KHDRBS2: variants seen among roughly 807,000 people sequenced by gnomAD.
KHDRBS2 encodes the protein KH domain-containing, RNA-binding, signal transduction-associated protein 2.
In KHDRBS2, 26 loss-of-function variants were observed where a neutral mutation model predicts 44.3. That is an observed-to-expected ratio of 0.59 (90% CI 0.43 to 0.81). The LOEUF is 0.81. Ranked by LOEUF, KHDRBS2 falls within the 40% of genes least tolerant of loss-of-function variation. The probability of loss-of-function intolerance (pLI) is 0.00; values close to 1 mark genes in which losing one functional copy is unlikely to be tolerated. For synonymous variants in KHDRBS2, 194 were observed against 151.1 expected (o/e 1.28, Z -2.08); for missense variants, 476 against 433.1 (o/e 1.10, Z -0.88).
At chr6:61,808,379 A>G (rs1787520368) in intron 6 of KHDRBS2, among the ~76,000 whole-genome samples, 1 of 152,156 alleles carries the variant, frequency 6.6e-6, no homozygotes, top group African/African-American at 2.4e-5. Context: ...CTTATATTTT[A>G]TATGTTAGGT....
intron 6 of KHDRBS2, among the ~76,000 whole-genome samples, chr6:61,861,545 C>T (rs1435135456): frequency 1.3e-5 from 2 of 151,666 alleles, no homozygotes; most frequent in East Asian, 1.9e-4. Flanking sequence ...CTTATTTCTG[C>T]GTTCTCTATT....
At chr6:61,569,949 C>T in the KHDRBS2 span, among the ~76,000 whole-genome samples, 1 of 152,066 alleles carries the variant, frequency 6.6e-6, no homozygotes, top group Non-Finnish European at 1.5e-5. Context: ...CCAGACCTTT[C>T]CACTGAAATA....
chr6:62,029,933 G>GA (rs1380720451), intron 3 of KHDRBS2, among the ~76,000 whole-genome samples: 5 of 151,726 alleles, frequency 3.3e-5, no homozygotes, highest in Non-Finnish European at 7.4e-5. Flanking sequence ...TTCTAAGTGA[G>GA]AAAAAAACAG....
intron 1 of KHDRBS2, among the ~76,000 whole-genome samples, chr6:62,200,163 ACATAGG>A (rs1387502491): frequency 6.6e-6 from 1 of 152,184 alleles, no homozygotes; most frequent in African/African-American, 2.4e-5. Flanking sequence ...ACCACTCAGG[ACATAGG>A]CATGGGCAAG....
intron 6 of KHDRBS2, among the ~76,000 whole-genome samples, chr6:61,766,722 CG>C (rs1562123798): frequency 6.6e-6 from 1 of 151,880 alleles, no homozygotes; most frequent in Non-Finnish European, 1.5e-5. Context: ...ATTGAACCAC[CG>C]GTCATTTAGA....
chr6:61,578,567 C>A, the KHDRBS2 span, among the ~76,000 whole-genome samples: 1 of 152,246 alleles, frequency 6.6e-6, no homozygotes, highest in African/African-American at 2.4e-5. Context: ...TCTTAAAGTG[C>A]TTTTATCTGC....
chr6:61,745,366 GCAATCTGTTCAA>G (rs1240037189), intron 6 of KHDRBS2, among the ~76,000 whole-genome samples: 2 of 152,102 alleles, frequency 1.3e-5, no homozygotes, highest in African/African-American at 4.8e-5. Flanking sequence ...AAATCAGGTA[GCAATCTGTTCAA>G]CCCAGTTAAT....
chr6:61,697,329 G>A, intron 7 of KHDRBS2, 76 bp from the exon 8 acceptor site: 2 of 874,560 alleles, frequency 2.3e-6, no homozygotes, highest in Middle Eastern at 2.2e-4. Context: ...GGAATTTGAA[G>A]GCAAAATGTG....
intron 6 of KHDRBS2, among the ~76,000 whole-genome samples, chr6:61,834,453 T>C (rs1792335259): frequency 5.9e-5 from 9 of 152,122 alleles, no homozygotes; most frequent in Admixed American, 5.9e-4. Context: ...TGAGTTCTTT[T>C]ACCTTTGATA....
At chr6:62,028,212 T>C (rs1040244414) in intron 3 of KHDRBS2, among the ~76,000 whole-genome samples, 1 of 152,124 alleles carries the variant, frequency 6.6e-6, no homozygotes, top group African/African-American at 2.4e-5. Flanking sequence ...GTCTTGAGAA[T>C]AGTAGCAGAG....
At chr6:61,879,444 G>C (rs1381076097) in intron 6 of KHDRBS2, among the ~76,000 whole-genome samples, 4 of 151,816 alleles carry the variant, frequency 2.6e-5, no homozygotes, top group Non-Finnish European at 5.9e-5. Flanking sequence ...AGACAGACCT[G>C]TCTGGCTCTG....
chr6:62,173,518 G>A (rs1820489942), intron 2 of KHDRBS2, among the ~76,000 whole-genome samples: 1 of 152,030 alleles, frequency 6.6e-6, no homozygotes, highest in Non-Finnish European at 1.5e-5. Context: ...ATAAAGAAGA[G>A]CTGGTCCCAT....
Position 61,807,472 on chromosome 6 carries a change from T to C in KHDRBS2, c.811-74708A>G, listed in dbSNP as rs546958067. ...AAGAAAATGTGGTACATATACATCA[T>C]GGAATACTATGCATCCATAAAAAGA... On this transcript the variant is annotated intron_variant, in intron 6 of 8. Transcript: ENST00000281156. 3.2e-4 allele frequency among the ~76,000 whole-genome samples: 49 copies of C among 152,260 alleles called. 1 individual carries two copies. The South Asian group carries it at 9.9e-3, about 31-fold the overall frequency.
At chr6:61,724,039 A>G (rs1023982367) in intron 7 of KHDRBS2, among the ~76,000 whole-genome samples, 43 of 152,180 alleles carry the variant, frequency 2.8e-4, no homozygotes, top group Non-Finnish European at 1.8e-4. Flanking sequence ...GAAGTGAAAG[A>G]AAAGTAATTT....
chr6:61,937,894 T>G (rs922259383), intron 4 of KHDRBS2, among the ~76,000 whole-genome samples: 8 of 152,108 alleles, frequency 5.3e-5, no homozygotes, highest in Non-Finnish European at 1.2e-4. Flanking sequence ...TTCTGGCACG[T>G]GAAGATTTCA....
intron 3 of KHDRBS2, among the ~76,000 whole-genome samples, chr6:61,979,070 A>T (rs1028330221): frequency 7.9e-5 from 12 of 152,076 alleles, no homozygotes; most frequent in African/African-American, 2.4e-5. Context: ...TCAATATGTG[A>T]TCCATATATT....
intron 4 of KHDRBS2, among the ~76,000 whole-genome samples, chr6:61,944,696 T>C (rs1198851991): frequency 3.3e-5 from 5 of 152,280 alleles, no homozygotes; most frequent in Admixed American, 2.6e-4. Context: ...ATAGCTAATA[T>C]GATGGATACC....
At chr6:61,771,185 A>G (rs1434046166) in intron 6 of KHDRBS2, among the ~76,000 whole-genome samples, 1 of 152,228 alleles carries the variant, frequency 6.6e-6, no homozygotes, top group Non-Finnish European at 1.5e-5. Flanking sequence ...TCCTGAAGGA[A>G]GCACTAAACA....
chr6:62,244,855 T>C lies in KHDRBS2; in HGVS notation c.91+41003A>G, dbSNP rs549146918. Among the ~76,000 whole-genome samples the C allele has an allele frequency of 2.6e-5, 4 of 152,120 alleles. No homozygotes were observed. The South Asian group carries it at 8.3e-4, about 32-fold the overall frequency. ...TTCACATTGTATCTGCAGACGTTTGTGATTTTGAATAAAATAATGGGCAGG... is the reference window on the plus strand; with the variant it reads ...TTCACATTGTATCTGCAGACGTTTGCGATTTTGAATAAAATAATGGGCAGG... On this transcript the variant is annotated intron_variant, in intron 1 of 8. Transcript: ENST00000281156.
Sources: allele counts gnomAD v4.1 joint callset (sites outside exome capture counted in the v4.1 genomes callset), GRCh38; gene constraint gnomAD v4.1.1; transcripts MANE v1.5; gene names NCBI Gene and HGNC (gene_info 2026-07-23, HGNC 2026-07-21).